The following LAMA2 variants were observed in gnomAD, a reference collection of about 807,000 sequenced individuals.
LAMA2 encodes the protein laminin subunit alpha-2.
In LAMA2, 269 loss-of-function variants were observed where a neutral mutation model predicts 364.8. That is an observed-to-expected ratio of 0.74 (90% confidence interval 0.67 to 0.82). LAMA2 has a LOEUF of 0.82. LAMA2 is among the 40% of genes least tolerant of loss of function. The pLI, the probability that LAMA2 is intolerant of heterozygous loss-of-function variation, is 0.00. For missense variants in LAMA2, 3,807 were observed against 3,873.2 expected (o/e 0.98, Z 0.45); for synonymous variants, 1,379 against 1,370.6 (o/e 1.01, Z -0.14).
chr6:129,481,297 T>C lies in LAMA2; in HGVS notation c.7607T>C (p.Phe2536Ser). ...VYTVSFPKPG[F>S]VELSPVPIDV... ...ACAGTTAGCTTTCCTAAGCCTGGTT[T>C]TGTGGAGCTCTCCCCTGTGCCAATT... The change falls in exon 55 of 65, where the codon TTT becomes TCT. Residue 2536 changes from phenylalanine to serine, a missense_variant. Phe to Ser is a radical substitution (Grantham distance 155, BLOSUM62 -2). Coordinates refer to ENST00000421865, the MANE Select transcript of LAMA2 (RefSeq NM_000426.4). The C allele has an allele frequency of 6.2e-7, 1 of 1,613,934 alleles. No homozygotes were observed. Among genetic ancestry groups the C allele is most frequent in the Middle Eastern group, 1.7e-4 (1 of 6,060 alleles).
Position 128,939,623 on chromosome 6 carries a change from G to A in LAMA2, c.112+56266G>A, listed in dbSNP as rs562308584. Among the ~76,000 whole-genome samples the A allele has an allele frequency of 3.6e-4, 55 of 152,182 alleles. 1 individual carries two copies. The highest frequency in any genetic ancestry group is 3.1e-3 in the Admixed American group (48 of 15,292). On this transcript the variant is annotated intron_variant, in intron 1 of 64. Coordinates refer to ENST00000421865, the MANE Select transcript of LAMA2 (RefSeq NM_000426.4). Reference sequence around the variant, plus strand: ...ACCCAACGATGAAAGACCTATAGGCGGTTACAAGTAGGTAAGCAGAGTCCA... The same window carrying A: ...ACCCAACGATGAAAGACCTATAGGCAGTTACAAGTAGGTAAGCAGAGTCCA...
rs1330039567 is a variant in LAMA2 at position 129,516,278 on chromosome 6, A to C, written c.9300A>C (p.Pro3100=). Residue 3100 remains proline (P), a synonymous_variant, in exon 65 of 65, where the codon CCA becomes CCC. Transcript: ENST00000421865. Reference sequence around the variant, plus strand: ...AGCTCACCAAAGGCACAGGCAAGCCACTGGAGGTTAATTTTGCCAAGGCCC... The same window carrying C: ...AGCTCACCAAAGGCACAGGCAAGCCCCTGGAGGTTAATTTTGCCAAGGCCC... ...SLKLTKGTGK[P]LEVNFAKALE... The C allele has an allele frequency of 1.9e-6, 3 of 1,614,080 alleles. No homozygotes were observed. The highest frequency in any genetic ancestry group is 1.6e-4 in the Middle Eastern group (1 of 6,062).
Position 129,165,610 on chromosome 6 carries a change from G to A in LAMA2, c.1241G>A (p.Cys414Tyr), listed in dbSNP as rs1779699788. 1.2e-6 allele frequency: 2 copies of A among 1,613,158 alleles called. No individual in the cohort carries two copies. The highest frequency in any genetic ancestry group is 3.3e-5 in the Admixed American group (2 of 59,886). ...SPNYPRPCQP[C>Y]HCDPIGSLNE... ...AATTATCCAAGGCCATGCCAGCCAT[G>A]TCATTGCGATCCAATTGGTTCCTTA... Residue 414 changes from cysteine (C) to tyrosine (Y), a missense_variant, in exon 9 of 65, where the codon TGT becomes TAT. Physicochemically the swap from Cys to Tyr is radical, Grantham distance 194 (BLOSUM62 -2). Coordinates refer to ENST00000421865, the MANE Select transcript of LAMA2 (RefSeq NM_000426.4).
Position 129,256,822 on chromosome 6 carries a change from G to T in LAMA2, c.2097-3889G>T, listed in dbSNP as rs1786726514. 1.8e-4 allele frequency among the ~76,000 whole-genome samples: 22 copies of T among 120,534 alleles called. No individual in the cohort carries two copies. The South Asian group carries it at 5.9e-3, about 32-fold the overall frequency. 79.1% of individuals were successfully genotyped at this position (120,534 alleles called of 152,430 possible). A position where few individuals can be genotyped will look rare whatever the true frequency, so the allele number is the denominator to read the frequency against. ...TATAGTGGGTAGAAAAAAGACAATTGTAACATCAAGGGTATTTTTGTTGTT... is the reference window on the plus strand; with the variant it reads ...TATAGTGGGTAGAAAAAAGACAATTTTAACATCAAGGGTATTTTTGTTGTT... On this transcript the variant is annotated intron_variant, in intron 14 of 64. Transcript: ENST00000421865.
At chr6:129,327,514 C>A (rs1775371359) in intron 28 of LAMA2, among the ~76,000 whole-genome samples, 1 of 152,156 alleles carries the variant, frequency 6.6e-6, no homozygotes, top group Non-Finnish European at 1.5e-5. Context: ...GCAATGTCTG[C>A]AGCTATGCAT....
chr6:129,018,714 G>GAA (rs1785233962), intron 1 of LAMA2, among the ~76,000 whole-genome samples: 1 of 151,738 alleles, frequency 6.6e-6, no homozygotes. Flanking sequence ...TCCTTTTTTA[G>GAA]AAATCATGAC....
At chr6:129,103,926 A>G (rs1775671495) in intron 4 of LAMA2, among the ~76,000 whole-genome samples, 1 of 152,134 alleles carries the variant, frequency 6.6e-6, no homozygotes, top group Non-Finnish European at 1.5e-5. Context: ...TTGAATGGTC[A>G]TTTTCTTCCA....
intron 12 of LAMA2, among the ~76,000 whole-genome samples, chr6:129,216,122 A>G (rs1461758071): frequency 6.6e-6 from 1 of 152,220 alleles, no homozygotes; most frequent in African/African-American, 2.4e-5. Flanking sequence ...ATGGATAGCC[A>G]CAAAACAACT....
intron 2 of LAMA2, 30 bp downstream of exon 2, chr6:129,050,118 G>A: frequency 2.5e-6 from 4 of 1,611,196 alleles, no homozygotes; most frequent in Non-Finnish European, 3.4e-6. Flanking sequence ...GGTGTGTGGC[G>A]CTGGGTAGGA....
intron 62 of LAMA2, among the ~76,000 whole-genome samples, chr6:129,509,985 C>CTTAT (rs1413590927): frequency 1.3e-5 from 2 of 152,122 alleles, no homozygotes; most frequent in East Asian, 3.9e-4. Context: ...CATGGAATAT[C>CTTAT]TTATTTTTGT....
At chr6:129,226,064 A>C (rs1204843964) in intron 12 of LAMA2, among the ~76,000 whole-genome samples, 1 of 152,106 alleles carries the variant, frequency 6.6e-6, no homozygotes, top group Non-Finnish European at 1.5e-5. Context: ...CTTCTTGTTG[A>C]ATTGATCCCT....
chr6:129,122,768 T>C (rs1486288021), intron 4 of LAMA2, among the ~76,000 whole-genome samples: 2 of 152,154 alleles, frequency 1.3e-5, no homozygotes, highest in Non-Finnish European at 2.9e-5. Context: ...CACCACACTA[T>C]TGGGCTTGAA....
chr6:129,422,475 A>G (rs1781125021), intron 40 of LAMA2, among the ~76,000 whole-genome samples: 1 of 152,124 alleles, frequency 6.6e-6, no homozygotes, highest in South Asian at 2.1e-4. Flanking sequence ...ACTAATCAGA[A>G]AAAAATCAGA....
intron 4 of LAMA2, among the ~76,000 whole-genome samples, chr6:129,117,021 G>GCATA (rs1481755192): frequency 6.6e-6 from 1 of 152,078 alleles, no homozygotes; most frequent in Non-Finnish European, 1.5e-5. Flanking sequence ...AAAGAAAAAT[G>GCATA]CATACTAGCT....
chr6:129,025,916 C>T (rs1785774434), intron 1 of LAMA2, among the ~76,000 whole-genome samples: 1 of 152,176 alleles, frequency 6.6e-6, no homozygotes, highest in Non-Finnish European at 1.5e-5. Flanking sequence ...CCAGTACAAA[C>T]TTAGTCCATA....
intron 60 of LAMA2, 127 bp from the exon 61 acceptor site, chr6:129,505,073 G>A (rs866759808): frequency 1.5e-5 from 12 of 801,546 alleles, no homozygotes; most frequent in East Asian, 7.4e-5. Context: ...TGGGCTTAGC[G>A]CATACTAAGC....
chr6:129,095,353 T>G (rs1391007782), intron 3 of LAMA2, among the ~76,000 whole-genome samples: 2 of 152,236 alleles, frequency 1.3e-5, no homozygotes, highest in African/African-American at 4.8e-5. Context: ...AATTATTGAT[T>G]GCTGAAATCA....
intron 56 of LAMA2, among the ~76,000 whole-genome samples, chr6:129,487,699 TTTA>T (rs922359895): frequency 3.3e-5 from 5 of 152,136 alleles, no homozygotes; most frequent in African/African-American, 9.6e-5. Flanking sequence ...TTCCTCAGTT[TTTA>T]TTATTATTAT....
Position 129,383,168 on chromosome 6 carries a change from A to G in LAMA2, c.5006A>G (p.Glu1669Gly). 1 of 1,613,960 alleles carries G rather than the reference A, an allele frequency of 6.2e-7. No individual in the cohort carries two copies. Among genetic ancestry groups the G allele is most frequent in the Non-Finnish European group, 8.5e-7 (1 of 1,179,934 alleles). ...ADGEQTGQDA[E>G]RTNTRAKSLG... ...GGCGAGCAGACCGGACAGGATGCTG[A>G]GAGGACCAACACAAGAGCAAAGTCC... is the stretch of plus-strand genomic sequence containing the variant. Residue 1669 changes from glutamate to glycine, a missense_variant, in exon 35 of 65, where the codon GAG becomes GGG. Around this residue, in one of 3 missense-constraint regions of LAMA2, gnomAD observed 3,333 missense variants for 3,345.7 expected, o/e 1.00. Coordinates refer to ENST00000421865, the MANE Select transcript of LAMA2 (RefSeq NM_000426.4).
Sources: allele counts gnomAD v4.1 joint callset (sites outside exome capture counted in the v4.1 genomes callset), GRCh38; gene constraint gnomAD v4.1.1; regional missense constraint gnomAD v4.1.1; transcripts MANE v1.5; gene names NCBI Gene and HGNC (gene_info 2026-07-23, HGNC 2026-07-21).